HTRA1: variants seen among roughly 807,000 people sequenced by gnomAD.
The protein encoded by HTRA1 is HtrA serine peptidase 1.
In HTRA1, 26 loss-of-function variants were observed where a neutral mutation model predicts 49.7. The ratio of observed to expected loss-of-function variants is 0.52; its 90% CI spans 0.38 to 0.73. The LOEUF (loss-of-function observed/expected upper bound fraction) is 0.73. HTRA1 is among the 30% of genes least tolerant of loss of function. The probability of loss-of-function intolerance (pLI) is 0.00; values close to 1 mark genes in which losing one functional copy is unlikely to be tolerated. For missense variants in HTRA1, 561 were observed against 667.2 expected, an observed-to-expected ratio of 0.84 and a Z score of 1.75; for synonymous variants, 291 against 286.9, an observed-to-expected ratio of 1.01 and a Z score of -0.14.
At chr10:122,477,542 C>T (rs114498907) in intron 1 of HTRA1, among the ~76,000 whole-genome samples, 1 of 152,314 alleles carries the variant, frequency 6.6e-6, no homozygotes, top group African/African-American at 2.4e-5. Flanking sequence ...CTTCACTGAG[C>T]CATTCCCAAA....
intron 3 of HTRA1, among the ~76,000 whole-genome samples, chr10:122,500,962 C>G (rs531149286): frequency 6.6e-6 from 1 of 152,140 alleles, no homozygotes; most frequent in Non-Finnish European, 1.5e-5. Flanking sequence ...TGGAGTGATC[C>G]GGGGCACAAG....
At chr10:122,479,717 A>T (rs539164249) in intron 1 of HTRA1, among the ~76,000 whole-genome samples, 1 of 152,052 alleles carries the variant, frequency 6.6e-6, no homozygotes, top group African/African-American at 2.4e-5. Flanking sequence ...GGAGTTGTGC[A>T]TTAAGGAGTC....
chr10:122,500,164 TG>T (rs2097500306), intron 3 of HTRA1, among the ~76,000 whole-genome samples: 1 of 152,224 alleles, frequency 6.6e-6, no homozygotes, highest in Non-Finnish European at 1.5e-5. Flanking sequence ...GAAATACCGA[TG>T]GGTCATTGCT....
chr10:122,511,067 G>A (rs915222723), intron 7 of HTRA1, among the ~76,000 whole-genome samples: 1 of 152,132 alleles, frequency 6.6e-6, no homozygotes, highest in Non-Finnish European at 1.5e-5. Flanking sequence ...CCTTGGGAAC[G>A]ATATGACCCC....
intron 3 of HTRA1, among the ~76,000 whole-genome samples, chr10:122,493,496 C>T (rs1420700188): frequency 6.6e-6 from 1 of 152,124 alleles, no homozygotes; most frequent in African/African-American, 2.4e-5. Context: ...CATTTTGTCC[C>T]TGCGGGGTTT....
intron 1 of HTRA1, among the ~76,000 whole-genome samples, chr10:122,474,451 C>T (rs1044372448): frequency 4.6e-5 from 7 of 152,202 alleles, no homozygotes; most frequent in Admixed American, 1.3e-4. Flanking sequence ...TCTCTTCTGC[C>T]TCTCTGCAGC....
chr10:122,463,516 C>A (rs1218619193), intron 1 of HTRA1, among the ~76,000 whole-genome samples: 1 of 151,298 alleles, frequency 6.6e-6, no homozygotes, highest in South Asian at 2.1e-4. Context: ...CTTTTTTTTT[C>A]TTAAGAGACA....
rs528622746 is a variant in HTRA1 at position 122,487,996 on chromosome 10, C to T, written c.473-906C>T. ...CTTATGCCTTTTGTCTGGGATGTCC[C>T]GGGCAGGGTTGGAACGTGTGGTTAA... is the stretch of plus-strand genomic sequence containing the variant. On this transcript the variant is annotated intron_variant, in intron 1 of 8. Coordinates refer to ENST00000368984, the MANE Select transcript of HTRA1 (RefSeq NM_002775.5). This position sits in a 1 kb window ranked among gnomAD's most constrained non-coding sequence, Gnocchi z 4.8. Among the ~76,000 whole-genome samples, 10 of 152,202 alleles carry T rather than the reference C, an allele frequency of 6.6e-5. No homozygotes were observed. The highest frequency in any genetic ancestry group is 4.2e-4 in the South Asian group (2 of 4,814).
chr10:122,511,139 G>T (rs2097505355), intron 7 of HTRA1, among the ~76,000 whole-genome samples: 1 of 152,162 alleles, frequency 6.6e-6, no homozygotes, highest in African/African-American at 2.4e-5. Flanking sequence ...TCTGATGTGT[G>T]GCCAGGCTCA....
intron 1 of HTRA1, among the ~76,000 whole-genome samples, chr10:122,477,389 C>G (rs1038301523): frequency 9.2e-5 from 14 of 152,268 alleles, no homozygotes; most frequent in African/African-American, 3.4e-4. Context: ...CACATACACC[C>G]CAGGAAATTC....
Position 122,490,659 on chromosome 10 carries a change from C to T in HTRA1, c.777+1033C>T, listed in dbSNP as rs1489848551. Among the ~76,000 whole-genome samples, 2 of 152,114 alleles carry T rather than the reference C, an allele frequency of 1.3e-5. No individual in the cohort carries two copies. Among genetic ancestry groups the T allele is most frequent in the East Asian group, 3.9e-4 (2 of 5,184 alleles). ...AGCCAGGTGGGGTCTCTTGTCCAGC[C>T]CTCTGCTTGCCTCGCTTTACCTGGG... On this transcript the variant is annotated intron_variant, in intron 3 of 8. Transcript: ENST00000368984. The surrounding 1 kb of genome is among the most constrained non-coding windows in gnomAD (Gnocchi z 4.2).
intron 5 of HTRA1, among the ~76,000 whole-genome samples, chr10:122,508,429 C>T (rs1489420718): frequency 6.6e-6 from 1 of 152,224 alleles, no homozygotes; most frequent in African/African-American, 2.4e-5. Context: ...AGGTGAGCAC[C>T]CAGTGCCGAC....
At position 122,461,567 on chromosome 10, in the gene HTRA1, C is replaced by T. The variant is rs762394730; in HGVS notation, c.-86C>T. On this transcript the variant is annotated 5_prime_UTR_variant, in exon 1 of 9. Transcript: ENST00000368984. ...CGGCCGCGCGCACTCGCACCCGCTGCCCCCGAGGCCCTCCTGCACTCTCCC... is the reference window on the plus strand; with the variant it reads ...CGGCCGCGCGCACTCGCACCCGCTGTCCCCGAGGCCCTCCTGCACTCTCCC... 216 of 760,130 alleles carry T rather than the reference C, an allele frequency of 2.8e-4. No individual in the cohort carries two copies. The African/African-American group carries it at 3.3e-3, about 11-fold the overall frequency. The allele number at this position is 760,130 out of a possible 1,614,324, so 47.1% of individuals were successfully genotyped here. A position where few individuals can be genotyped will look rare whatever the true frequency, so the allele number is the denominator to read the frequency against.
chr10:122,484,018 C>T (rs1294041041), intron 1 of HTRA1, among the ~76,000 whole-genome samples: 1 of 152,142 alleles, frequency 6.6e-6, no homozygotes, highest in African/African-American at 2.4e-5. Context: ...TTTACATTTT[C>T]CTTTCCAATC....
chr10:122,483,982 A>ATG (rs1207515215), intron 1 of HTRA1, among the ~76,000 whole-genome samples: 1 of 152,236 alleles, frequency 6.6e-6, no homozygotes, highest in East Asian at 1.9e-4. Context: ...AGACTATCAT[A>ATG]TATATCATCT....
chr10:122,469,044 C>T (rs896469766), intron 1 of HTRA1, among the ~76,000 whole-genome samples: 1 of 152,170 alleles, frequency 6.6e-6, no homozygotes, highest in African/African-American at 2.4e-5. Flanking sequence ...AATTATGTCT[C>T]CTTGTGCACA....
At chr10:122,480,722 C>T (rs2097490628) in intron 1 of HTRA1, among the ~76,000 whole-genome samples, 1 of 152,172 alleles carries the variant, frequency 6.6e-6, no homozygotes, top group Admixed American at 6.5e-5. Context: ...GACCTGCCAC[C>T]TGAGCAGGAA....
chr10:122,487,896 G>A lies in HTRA1; in HGVS notation c.473-1006G>A, dbSNP rs2097493769. On this transcript the variant is annotated intron_variant, in intron 1 of 8. Coordinates refer to ENST00000368984, the MANE Select transcript of HTRA1 (RefSeq NM_002775.5). The surrounding 1 kb of genome is among the most constrained non-coding windows in gnomAD (Gnocchi z 4.8). ...CCGCGGCTGGCTGAAACGTTATGTG[G>A]TGCATGACTGTAGGTATAAAGCATT... Among the ~76,000 whole-genome samples, 1 of 152,198 alleles carries A rather than the reference G, an allele frequency of 6.6e-6. No individual in the cohort carries two copies. The highest frequency in any genetic ancestry group is 1.9e-4 in the East Asian group (1 of 5,204).
At chr10:122,492,565 C>A (rs957040442) in intron 3 of HTRA1, among the ~76,000 whole-genome samples, 3 of 152,142 alleles carry the variant, frequency 2.0e-5, no homozygotes, top group Admixed American at 6.5e-5. Context: ...AACTCCTGAC[C>A]TCAGGTGATC....
Sources: gnomAD v4.1 joint callset for allele counts (sites outside exome capture counted in the v4.1 genomes callset) on GRCh38, gnomAD v4.1.1 for gene constraint, Gnocchi (gnomAD v3.1) non-coding constraint, MANE v1.5 for transcripts, NCBI Gene and HGNC (gene_info 2026-07-23, HGNC 2026-07-21) for gene names.